SORCS3: variants seen among roughly 807,000 people sequenced by gnomAD.
SORCS3 encodes VPS10 domain-containing receptor SorCS3.
A neutral mutation model predicts 146.3 loss-of-function variants in SORCS3; 57 were observed. That is an observed-to-expected ratio of 0.39 (90% CI 0.31 to 0.49). The LOEUF is 0.49. Ranked by LOEUF, SORCS3 falls within the 20% of genes least tolerant of loss-of-function variation. The probability of loss-of-function intolerance (pLI) is 0.92; values close to 1 mark genes in which losing one functional copy is unlikely to be tolerated. For synonymous variants in SORCS3, 653 were observed against 618.5 expected (o/e 1.06, Z -0.83); for missense variants, 1,341 against 1,575.5 (o/e 0.85, Z 2.52).
At chr10:105,200,678 A>G (rs1332197046) in intron 15 of SORCS3, among the ~76,000 whole-genome samples, 1 of 152,198 alleles carries the variant, frequency 6.6e-6, no homozygotes, top group African/African-American at 2.4e-5. Context: ...AGATTTGGGC[A>G]TGGTCGTTTA....
intron 13 of SORCS3, 111 bp downstream of exon 13, chr10:105,167,460 C>G: frequency 1.4e-6 from 1 of 739,382 alleles, no homozygotes; most frequent in East Asian, 2.7e-5. Context: ...TTTCCTCATC[C>G]ATTTATTTAT....
intron 6 of SORCS3, among the ~76,000 whole-genome samples, chr10:105,096,103 T>TACACACACACACACAC (rs60438282): frequency 1.4e-5 from 2 of 145,226 alleles, no homozygotes; most frequent in Non-Finnish European, 3.0e-5. Flanking sequence ...ACCTCACAAA[T>TACACACACACACACAC]ACACACACAC....
At chr10:104,927,168 A>T (rs2019157240) in intron 3 of SORCS3, among the ~76,000 whole-genome samples, 1 of 152,174 alleles carries the variant, frequency 6.6e-6, no homozygotes, top group African/African-American at 2.4e-5. Context: ...GTATTATGAA[A>T]ACTTGAGAGT....
At chr10:104,720,608 C>G (rs145000139) in intron 1 of SORCS3, among the ~76,000 whole-genome samples, 2,067 of 152,300 alleles carry the variant, frequency 0.014, 39 homozygotes, top group African/African-American at 0.041. Context: ...TAAAAGTGTT[C>G]CTATTTCTCC....
chr10:104,661,669 G>T (rs1181282035), intron 1 of SORCS3, among the ~76,000 whole-genome samples: 2 of 146,818 alleles, frequency 1.4e-5, no homozygotes, highest in East Asian at 3.9e-4. Context: ...TATGATTTGG[G>T]AATATAGATA....
chr10:105,212,550 A>G (rs2056640017), intron 17 of SORCS3, among the ~76,000 whole-genome samples: 1 of 152,252 alleles, frequency 6.6e-6, no homozygotes, highest in African/African-American at 2.4e-5. Flanking sequence ...TGACATGTGT[A>G]GGTAGACCAC....
intron 6 of SORCS3, among the ~76,000 whole-genome samples, chr10:105,096,539 G>A (rs1167199109): frequency 1.3e-5 from 2 of 152,104 alleles, no homozygotes; most frequent in African/African-American, 2.4e-5. Flanking sequence ...TATGCTAAAG[G>A]CCACGGAGAT....
At chr10:104,790,994 A>G (rs1247395359) in intron 1 of SORCS3, among the ~76,000 whole-genome samples, 1 of 152,044 alleles carries the variant, frequency 6.6e-6, no homozygotes. Flanking sequence ...TTCTCTCTCT[A>G]TTTGATAGTC....
At chr10:104,818,128 T>C (rs144831627) in intron 1 of SORCS3, among the ~76,000 whole-genome samples, 90 of 152,286 alleles carry the variant, frequency 5.9e-4, no homozygotes, top group African/African-American at 2.1e-3. Context: ...CACTGCTGTG[T>C]GTTCTGCTCC....
At chr10:104,923,143 A>C (rs1052528761) in intron 3 of SORCS3, among the ~76,000 whole-genome samples, 3 of 152,152 alleles carry the variant, frequency 2.0e-5, no homozygotes, top group Non-Finnish European at 4.4e-5. Flanking sequence ...TTTATGTTCT[A>C]TGCTTTTCGA....
intron 20 of SORCS3, among the ~76,000 whole-genome samples, chr10:105,241,894 A>G (rs2056825626): frequency 1.3e-5 from 2 of 152,194 alleles, no homozygotes; most frequent in Admixed American, 6.5e-5. Flanking sequence ...AAAACCAACT[A>G]GGAAAGGGTA....
chr10:104,781,644 A>G (rs2017375508), intron 1 of SORCS3, among the ~76,000 whole-genome samples: 2 of 152,258 alleles, frequency 1.3e-5, no homozygotes, highest in Admixed American at 6.5e-5. Flanking sequence ...GATAATAGAA[A>G]GCTGCAAGTG....
At chr10:105,106,779 G>T (rs1272897564) in intron 7 of SORCS3, among the ~76,000 whole-genome samples, 1 of 152,166 alleles carries the variant, frequency 6.6e-6, no homozygotes, top group Admixed American at 6.5e-5. Context: ...CTGTTTTTTA[G>T]CTTGACTGAA....
At chr10:105,229,209 A>G (rs2056753238) in intron 20 of SORCS3, among the ~76,000 whole-genome samples, 1 of 151,834 alleles carries the variant, frequency 6.6e-6, no homozygotes, top group Non-Finnish European at 1.5e-5. Context: ...ATTTTTTTTA[A>G]TAGTGTCTCT....
At chr10:104,922,416 C>T (rs982683162) in intron 3 of SORCS3, among the ~76,000 whole-genome samples, 3 of 152,034 alleles carry the variant, frequency 2.0e-5, no homozygotes, top group Non-Finnish European at 2.9e-5. Flanking sequence ...CAAGATGCAC[C>T]GAAGAAAATG....
chr10:104,898,333 G>A (rs59561300), intron 2 of SORCS3, among the ~76,000 whole-genome samples: 2,463 of 152,276 alleles, frequency 0.016, 64 homozygotes, highest in African/African-American at 0.056. Context: ...CAAGTTATAG[G>A]CACTGCATGA....
intron 1 of SORCS3, among the ~76,000 whole-genome samples, chr10:104,820,606 G>C (rs1271207905): frequency 6.6e-6 from 1 of 152,118 alleles, no homozygotes; most frequent in Non-Finnish European, 1.5e-5. Flanking sequence ...CTGCAGCCCT[G>C]TGTTCTGTTT....
chr10:104,675,152 T>C (rs190403121), intron 1 of SORCS3, among the ~76,000 whole-genome samples: 1 of 152,334 alleles, frequency 6.6e-6, no homozygotes, highest in Non-Finnish European at 1.5e-5. Flanking sequence ...TTCATTTTAG[T>C]CATTCTGTTG....
chr10:104,954,639 C>T (rs2019467871), intron 3 of SORCS3, among the ~76,000 whole-genome samples: 1 of 152,170 alleles, frequency 6.6e-6, no homozygotes, highest in Non-Finnish European at 1.5e-5. Context: ...CTGTCATGTA[C>T]ATCAGCAGGA....
Sources: gnomAD v4.1 joint callset for allele counts (sites outside exome capture counted in the v4.1 genomes callset) on GRCh38, gnomAD v4.1.1 for gene constraint, MANE v1.5 for transcripts, NCBI Gene and HGNC (gene_info 2026-07-23, HGNC 2026-07-21) for gene names.